Variants in SEMA4B observed in about 807,000 individuals in gnomAD.
SEMA4B encodes the protein semaphorin-4B.
SEMA4B carries 55 observed loss-of-function variants against 88.1 expected under a neutral mutation model. That is an observed-to-expected ratio of 0.62 (90% CI 0.50 to 0.78). The LOEUF (loss-of-function observed/expected upper bound fraction) is 0.78, where lower values mean the gene tolerates loss of function less well. Ranked by LOEUF, SEMA4B falls within the 30% of genes least tolerant of loss-of-function variation. The pLI is 0.00. For synonymous variants in SEMA4B, 525 were observed against 473.6 expected, an observed-to-expected ratio of 1.11 and a Z score of -1.41; for missense variants, 1,062 against 1,111.9, an observed-to-expected ratio of 0.96 and a Z score of 0.64.
At chr15:90,226,885 G>C (rs1962199733) in intron 12 of SEMA4B, among the ~76,000 whole-genome samples, 1 of 151,248 alleles carries the variant, frequency 6.6e-6, no homozygotes. Context: ...CAGAATTACT[G>C]TCCTTTATTT....
At chr15:90,190,691 C>T (rs1453536069) in intron 1 of SEMA4B, among the ~76,000 whole-genome samples, 7 of 152,004 alleles carry the variant, frequency 4.6e-5, no homozygotes, top group Non-Finnish European at 1.0e-4. Flanking sequence ...GTAGATTCCT[C>T]ACTTCATGGG....
In SEMA4B at chr15:90,201,674, G is replaced by GCTC; in HGVS notation, c.99_101dup (p.Leu35dup). The GCTC allele has an allele frequency of 1.3e-6, 2 of 1,515,064 alleles. No individual in the cohort carries two copies. Among genetic ancestry groups the GCTC allele is most frequent in the Non-Finnish European group, 1.8e-6 (2 of 1,138,632 alleles). The allele number at this position is 1,515,064 out of a possible 1,614,324, so 93.9% of individuals were successfully genotyped here. A position where few individuals can be genotyped will look rare whatever the true frequency, so the allele number is the denominator to read the frequency against. ...CGCTGCTGCTGCTCCTGCTGCTGCT[G>GCTC]CTCCTGCTGCAGCCGCCGCCTCCGA... On this transcript the variant is annotated inframe_insertion, in exon 1 of 14. Transcript: ENST00000411539.
In SEMA4B at chr15:90,221,426, C is replaced by A; in HGVS notation, c.655C>A (p.Arg219=). 6.3e-7 allele frequency: 1 copy of A among 1,584,438 alleles called. No individual in the cohort carries two copies. Among genetic ancestry groups the A allele is most frequent in the East Asian group, 2.3e-5 (1 of 42,828 alleles). ...CCAAGGGAATGACCCGGCCATCTCG[C>A]GGAGCCAAAGCCTTCGCCCCACCAA... ...SFQGNDPAIS[R]SQSLRPTKTE... The change falls in exon 6 of 14, where the codon CGG becomes AGG. Residue 219 remains arginine (R), a synonymous_variant. Coordinates refer to ENST00000411539, the MANE Select transcript of SEMA4B (RefSeq NM_198925.4).
At chr15:90,223,536 A>G in intron 7 of SEMA4B, 23 bp from the exon 8 acceptor site, 2 of 1,552,408 alleles carry the variant, frequency 1.3e-6, no homozygotes, top group Non-Finnish European at 1.7e-6. Flanking sequence ...GCCTAAGCCC[A>G]GCCCATCCGA....
upstream of SEMA4B, among the ~76,000 whole-genome samples, chr15:90,200,512 A>C (rs758190430): frequency 6.6e-6 from 1 of 152,192 alleles, no homozygotes; most frequent in Non-Finnish European, 1.5e-5. Context: ...AATTGATTTC[A>C]GAATCTGCTA....
chr15:90,213,697 C>G (rs1961383139), intron 1 of SEMA4B, among the ~76,000 whole-genome samples: 1 of 152,242 alleles, frequency 6.6e-6, no homozygotes, highest in African/African-American at 2.4e-5. Flanking sequence ...CCCAGACTTA[C>G]AGGGCCTGCC....
At chr15:90,216,605 A>G (rs1372748018) in intron 1 of SEMA4B, among the ~76,000 whole-genome samples, 2 of 152,104 alleles carry the variant, frequency 1.3e-5, no homozygotes, top group Admixed American at 1.3e-4. Context: ...CTTTTTTGGG[A>G]GGCTGACGCG....
At chr15:90,199,245 G>A (rs75026789), upstream of SEMA4B, among the ~76,000 whole-genome samples, 25 of 152,250 alleles carry the variant, frequency 1.6e-4, no homozygotes, top group African/African-American at 4.6e-4. Context: ...AGGAGGAAAC[G>A]GGGAGAACAG....
rs1012028048 is a variant in SEMA4B at position 90,225,397 on chromosome 15, G to T, written c.1521G>T (p.Arg507Ser). ...AGAATCTGCTCCTGGACACCCACAG[G>T]GTGAGCAGGCCAACGAGGAATCCTG... The part of the protein sequence containing the change: ...PVQNLLLDTH[R>S]GLLYAASHSG... The change falls in exon 11 of 14, where the codon AGG becomes AGT. Residue 507 changes from arginine (R) to serine (S), a missense_variant and splice_region_variant. Physicochemically the swap from Arg to Ser is moderately radical, Grantham distance 110. Coordinates refer to ENST00000411539, the MANE Select transcript of SEMA4B (RefSeq NM_198925.4). 2.6e-6 allele frequency: 4 copies of T among 1,550,356 alleles called. No individual in the cohort carries two copies. The Admixed American group carries it at 5.9e-5, about 23-fold the overall frequency.
At chr15:90,189,441 G>T (rs1013951305) in intron 1 of SEMA4B, among the ~76,000 whole-genome samples, 2 of 152,134 alleles carry the variant, frequency 1.3e-5, no homozygotes, top group African/African-American at 2.4e-5. Context: ...TCTCACTTCT[G>T]AAATGGCAAT....
At chr15:90,216,892 G>A (rs1596145828) in intron 1 of SEMA4B, among the ~76,000 whole-genome samples, 1 of 152,142 alleles carries the variant, frequency 6.6e-6, no homozygotes. Flanking sequence ...CTCTGTCAAT[G>A]CAAATAGCAT....
At position 90,228,861 on chromosome 15, in the gene SEMA4B, A is replaced by T; in HGVS notation, c.*218A>T. The T allele has an allele frequency of 1.6e-6, 1 of 616,446 alleles. No homozygotes were observed. Among genetic ancestry groups the T allele is most frequent in the Non-Finnish European group, 2.8e-6 (1 of 355,384 alleles). The allele number at this position is 616,446 out of a possible 1,614,324, so 38.2% of individuals were successfully genotyped here. A position where few individuals can be genotyped will look rare whatever the true frequency, so the allele number is the denominator to read the frequency against. On this transcript the variant is annotated 3_prime_UTR_variant, in exon 14 of 14. Transcript: ENST00000411539. The stretch of plus-strand genomic sequence containing the variant: ...GCCGTGGCCCCAGAGGTCCTGGCCA[A>T]ATATGGGGGCCTGCCTAGGTTGGTG...
chr15:90,206,358 A>T lies in SEMA4B; in HGVS notation c.157+4623A>T, dbSNP rs185757903. Among the ~76,000 whole-genome samples the T allele has an allele frequency of 6.6e-5, 10 of 152,164 alleles. No individual in the cohort carries two copies. The East Asian group carries it at 1.5e-3, about 24-fold the overall frequency. ...CTTTTTGGGAAGTCTGCTCCCTTGG[A>T]CTGCATTCTCCATGCTTTTCCCCAG... On this transcript the variant is annotated intron_variant, in intron 1 of 13. Coordinates refer to ENST00000411539, the MANE Select transcript of SEMA4B (RefSeq NM_198925.4).
chr15:90,224,151 T>G (rs1177689624), intron 9 of SEMA4B, among the ~76,000 whole-genome samples, 163 bp downstream of exon 9: 1 of 152,272 alleles, frequency 6.6e-6, no homozygotes, highest in Non-Finnish European at 1.5e-5. Context: ...GCTTGTGTAC[T>G]GGGTTAGATA....
At chr15:90,217,692 G>T in intron 2 of SEMA4B, 75 bp from the exon 3 acceptor site, 2 of 1,603,458 alleles carry the variant, frequency 1.2e-6, no homozygotes, top group Non-Finnish European at 1.7e-6. Context: ...GTCCAAGGAT[G>T]ATGCCTATGG....
intron 1 of SEMA4B, among the ~76,000 whole-genome samples, chr15:90,195,109 G>GT (rs957148577): frequency 1.1e-4 from 16 of 146,072 alleles, no homozygotes; most frequent in African/African-American, 2.8e-4. Flanking sequence ...GATTTTGTTT[G>GT]TTTTTTTTTA....
In SEMA4B at chr15:90,223,926, A is replaced by AACCGTGAGACACAGCAGTGGTAC. The variant is rs1316688659; in HGVS notation, c.1140_1162dup (p.Thr388ArgfsTer8). 1.2e-6 allele frequency: 2 copies of AACCGTGAGACACAGCAGTGGTAC among 1,613,812 alleles called. No homozygotes were observed. The highest frequency in any genetic ancestry group is 4.5e-5 in the East Asian group (2 of 44,862). ...CTTCAGCGGCCTCTACAAGGAGGTGAACCGTGAGACACAGCAGTGGTACAC... is the reference window on the plus strand; with the variant it reads ...CTTCAGCGGCCTCTACAAGGAGGTGAACCGTGAGACACAGCAGTGGTACACCGTGAGACACAGCAGTGGTACAC... On this transcript the variant is annotated frameshift_variant, in exon 9 of 14. Transcript: ENST00000411539. LOFTEE classifies it high-confidence loss of function.
intron 12 of SEMA4B, 91 bp from the exon 13 acceptor site, chr15:90,227,466 C>G: frequency 1.0e-5 from 12 of 1,182,254 alleles, no homozygotes; most frequent in Non-Finnish European, 1.5e-5. Context: ...CAGGAAAGGC[C>G]CTTGCCCAGG....
chr15:90,222,008 C>T (rs575941980), intron 7 of SEMA4B, among the ~76,000 whole-genome samples: 28 of 151,626 alleles, frequency 1.8e-4, no homozygotes, highest in South Asian at 6.3e-4. Flanking sequence ...GGCACGATCA[C>T]GGTTCACTGC....
Sources: allele counts gnomAD v4.1 joint callset (sites outside exome capture counted in the v4.1 genomes callset), GRCh38; gene constraint gnomAD v4.1.1; transcripts MANE v1.5; gene names NCBI Gene and HGNC (gene_info 2026-07-23, HGNC 2026-07-21).